The following ATP8B4 variants were observed in gnomAD, a reference collection of about 807,000 sequenced individuals.
ATP8B4 encodes probable phospholipid-transporting ATPase IM.
A neutral mutation model predicts 145.6 loss-of-function variants in ATP8B4; 133 were observed. The observed-to-expected ratio is 0.91, with a 90% CI of 0.79 to 1.05. ATP8B4 has a LOEUF of 1.05. Among genes scored for constraint, ATP8B4 ranks in the 50% least tolerant of loss-of-function variants. The pLI, the probability that ATP8B4 is intolerant of heterozygous loss-of-function variation, is 0.00. For synonymous variants in ATP8B4, 507 were observed against 492.9 expected (o/e 1.03, Z -0.38); for missense variants, 1,458 against 1,425.2 (o/e 1.02, Z -0.37).
intron 15 of ATP8B4, among the ~76,000 whole-genome samples, chr15:49,932,604 A>G (rs1444443521): frequency 6.6e-6 from 1 of 152,100 alleles, no homozygotes; most frequent in African/African-American, 2.4e-5. Context: ...AGAAAGTAAG[A>G]ACTGTTCAGG....
At chr15:50,123,277 C>T (rs2057285259), upstream of ATP8B4, among the ~76,000 whole-genome samples, 1 of 152,192 alleles carries the variant, frequency 6.6e-6, no homozygotes, top group South Asian at 2.1e-4. Flanking sequence ...GCTGAACTAA[C>T]TTTGGGAAAA....
chr15:49,930,558 A>G lies in ATP8B4; in HGVS notation c.1642+561T>C, dbSNP rs2041156440. ...AGGTGGACAGAGAAAATGAATGATA[A>G]TGAGGAGGCTGAGGACGATGTTCAC... On this transcript the variant is annotated intron_variant, in intron 16 of 27. Coordinates refer to ENST00000284509, the MANE Select transcript of ATP8B4 (RefSeq NM_024837.4). Among the ~76,000 whole-genome samples the G allele has an allele frequency of 2.0e-5, 3 of 152,054 alleles. 1 individual carries two copies. The highest frequency in any genetic ancestry group is 1.3e-4 in the Admixed American group (2 of 15,248).
chr15:50,025,047 C>G (rs2049898869), intron 6 of ATP8B4, among the ~76,000 whole-genome samples: 1 of 152,120 alleles, frequency 6.6e-6, no homozygotes, highest in Non-Finnish European at 1.5e-5. Flanking sequence ...CTGCTTTTGC[C>G]CCAAGAGGCT....
intron 1 of ATP8B4, among the ~76,000 whole-genome samples, chr15:50,117,018 T>A (rs976222498): frequency 3.9e-5 from 6 of 152,134 alleles, no homozygotes; most frequent in African/African-American, 1.2e-4. Context: ...AGAATTTAGA[T>A]TACACACATT....
intron 1 of ATP8B4, among the ~76,000 whole-genome samples, chr15:50,165,970 A>AACACACACACACACACACAC (rs149302745): frequency 2.0e-5 from 3 of 146,988 alleles, no homozygotes; most frequent in Non-Finnish European, 4.5e-5. Context: ...AATCCCAGAG[A>AACACACACACACACACACAC]ACACACACAC....
chr15:49,907,886 T>C (rs919060043), intron 20 of ATP8B4, among the ~76,000 whole-genome samples: 15 of 152,192 alleles, frequency 9.9e-5, no homozygotes, highest in Non-Finnish European at 1.5e-4. Context: ...AGCAGTAAGA[T>C]ACCTTAACAA....
chr15:50,115,094 G>A (rs1440887593), intron 1 of ATP8B4, among the ~76,000 whole-genome samples: 1 of 152,218 alleles, frequency 6.6e-6, no homozygotes, highest in Non-Finnish European at 1.5e-5. Flanking sequence ...ACTTTGGGAG[G>A]CCAAGGTGGG....
At chr15:49,949,897 T>C (rs2042915132) in intron 14 of ATP8B4, among the ~76,000 whole-genome samples, 1 of 152,212 alleles carries the variant, frequency 6.6e-6, no homozygotes, top group African/African-American at 2.4e-5. Flanking sequence ...CAAAGGCCTT[T>C]TCTGCATCTA....
intron 1 of ATP8B4, among the ~76,000 whole-genome samples, chr15:50,144,748 CTTG>C (rs1340231364): frequency 7.1e-6 from 1 of 141,840 alleles, no homozygotes; most frequent in Non-Finnish European, 1.6e-5. Context: ...TGCAATTACC[CTTG>C]TTTTTTTTTT....
intron 1 of ATP8B4, among the ~76,000 whole-genome samples, chr15:50,166,034 A>G (rs2044594243): frequency 6.6e-6 from 1 of 151,930 alleles, no homozygotes; most frequent in Non-Finnish European, 1.5e-5. Context: ...AAAATTAGAT[A>G]AAGGGAAAAT....
At chr15:49,998,873 G>A (rs2047648663) in intron 8 of ATP8B4, among the ~76,000 whole-genome samples, 1 of 151,786 alleles carries the variant, frequency 6.6e-6, no homozygotes, top group Admixed American at 6.6e-5. Flanking sequence ...ATGGTTTTAG[G>A]TCTAACGTTT....
intron 21 of ATP8B4, among the ~76,000 whole-genome samples, chr15:49,899,285 T>A (rs1470819131): frequency 6.6e-6 from 1 of 152,162 alleles, no homozygotes; most frequent in Non-Finnish European, 1.5e-5. Flanking sequence ...AGTAAATTTG[T>A]CTCCCTCTGT....
At chr15:50,035,609 C>G (rs1192671008) in intron 6 of ATP8B4, among the ~76,000 whole-genome samples, 1 of 152,032 alleles carries the variant, frequency 6.6e-6, no homozygotes, top group Admixed American at 6.6e-5. Flanking sequence ...GCACTGGGGC[C>G]CACACATAGT....
At chr15:50,078,432 C>G (rs1230018690) in intron 2 of ATP8B4, among the ~76,000 whole-genome samples, 2 of 151,468 alleles carry the variant, frequency 1.3e-5, no homozygotes, top group African/African-American at 4.9e-5. Flanking sequence ...GAAAAAGTCC[C>G]TAGAAATTAA....
intron 7 of ATP8B4, among the ~76,000 whole-genome samples, chr15:50,010,629 G>A (rs550529053): frequency 3.3e-5 from 5 of 152,016 alleles, no homozygotes; most frequent in Non-Finnish European, 5.9e-5. Flanking sequence ...AAATGGACAA[G>A]GTGATACTCA....
upstream of ATP8B4, among the ~76,000 whole-genome samples, chr15:50,120,262 G>C (rs1001652147): frequency 6.6e-6 from 1 of 152,030 alleles, no homozygotes; most frequent in East Asian, 1.9e-4. Context: ...TCCTACCAAG[G>C]TTCCACAGTA....
intron 14 of ATP8B4, among the ~76,000 whole-genome samples, chr15:49,947,787 G>C (rs1243997113): frequency 6.6e-6 from 1 of 152,092 alleles, no homozygotes. Context: ...ACACAGACCA[G>C]TGGAATAGAA....
At chr15:49,867,472 G>C (rs933813507) in intron 25 of ATP8B4, among the ~76,000 whole-genome samples, 4 of 152,122 alleles carry the variant, frequency 2.6e-5, no homozygotes, top group Non-Finnish European at 5.9e-5. Flanking sequence ...TCTCCCCTCA[G>C]GAGGTCTGAA....
Position 49,892,646 on chromosome 15 carries a change from A to G in ATP8B4, c.2697+4646T>C, listed in dbSNP as rs548681267. On this transcript the variant is annotated intron_variant, in intron 23 of 27. Coordinates refer to ENST00000284509, the MANE Select transcript of ATP8B4 (RefSeq NM_024837.4). Reference sequence around the variant, plus strand: ...CACAATGTCCCAAAGTGAGCTCCATATGGCACCTGTTCTACAGGACATTAT... The same window carrying G: ...CACAATGTCCCAAAGTGAGCTCCATGTGGCACCTGTTCTACAGGACATTAT... Among the ~76,000 whole-genome samples, 6 of 152,310 alleles carry G rather than the reference A, an allele frequency of 3.9e-5. No homozygotes were observed. In the East Asian group the frequency reaches 1.2e-3, roughly 29 times the overall value.
Sources: gnomAD v4.1 joint callset for allele counts (sites outside exome capture counted in the v4.1 genomes callset) on GRCh38, gnomAD v4.1.1 for gene constraint, MANE v1.5 for transcripts, NCBI Gene and HGNC (gene_info 2026-07-23, HGNC 2026-07-21) for gene names.